Variants in BEND3 observed in about 807,000 individuals in gnomAD.
BEND3 encodes the protein BEN domain containing 3.
In BEND3, 13 loss-of-function variants were observed where a neutral mutation model predicts 60.1. The ratio of observed to expected loss-of-function variants is 0.22; its 90% CI spans 0.14 to 0.34. BEND3 has a LOEUF of 0.34. Ranked by LOEUF, BEND3 falls within the 10% of genes least tolerant of loss-of-function variation. The pLI, the probability that BEND3 is intolerant of heterozygous loss-of-function variation, is 1.00. For synonymous variants in BEND3, 497 were observed against 491.5 expected (o/e 1.01, Z -0.15); for missense variants, 896 against 1,138.1 (o/e 0.79, Z 3.06).
Position 107,069,560 on chromosome 6 carries a change from G to A in BEND3, c.1631C>T (p.Pro544Leu), listed in dbSNP as rs781864764. The A allele has an allele frequency of 2.5e-6, 4 of 1,613,198 alleles. No homozygotes were observed. In the South Asian group the frequency reaches 4.4e-5, roughly 18 times the overall value. Residue 544 changes from proline to leucine, a missense_variant, in exon 4 of 4, where the codon CCT (proline) becomes CTT (leucine). By Grantham distance (98) the Pro-to-Leu change is moderately conservative. Transcript: ENST00000369042. ...IDFDKLEIPQPDFEVPGADCL... is the reference protein window; with the variant it reads ...IDFDKLEIPQLDFEVPGADCL... ...GTCGGCACCGGGCACCTCGAAGTCA[G>A]GCTGGGGGATCTCTAACTTGTCGAA... is the stretch of plus-strand genomic sequence containing the variant.
At chr6:107,112,165 C>T (rs1770118449) in intron 1 of BEND3, among the ~76,000 whole-genome samples, 1 of 152,156 alleles carries the variant, frequency 6.6e-6, no homozygotes, top group South Asian at 2.1e-4. Flanking sequence ...TTCATATAAA[C>T]ATGCTGTTTT....
In BEND3 at chr6:107,067,895, G is replaced by A. The variant is rs570936720; in HGVS notation, c.*809C>T. Reference sequence around the variant, plus strand: ...TGTATGGAGAAGGAATGGGGGCAGCGGAAGGACACGGCTCAGATGGAGACA... The same window carrying A: ...TGTATGGAGAAGGAATGGGGGCAGCAGAAGGACACGGCTCAGATGGAGACA... On this transcript the variant is annotated 3_prime_UTR_variant, in exon 4 of 4. Coordinates refer to ENST00000369042, the MANE Select transcript of BEND3 (RefSeq NM_001367314.1). 2.6e-5 allele frequency: 4 copies of A among 152,346 alleles called. No individual in the cohort carries two copies. The highest frequency in any genetic ancestry group is 3.9e-4 in the East Asian group (2 of 5,176). 9.4% of individuals were successfully genotyped at this position (152,346 alleles called of 1,614,324 possible).
intron 1 of BEND3, among the ~76,000 whole-genome samples, chr6:107,109,037 C>T (rs1406607442): frequency 6.6e-6 from 1 of 152,010 alleles, no homozygotes; most frequent in African/African-American, 2.4e-5. Context: ...AACTCCTGGC[C>T]TCAAGAGATC....
In BEND3 at chr6:107,070,571, G is replaced by A. The variant is rs61735665; in HGVS notation, c.620C>T (p.Thr207Met). Residue 207 changes from threonine (T) to methionine (M), a missense_variant, in exon 4 of 4, where the codon ACG becomes ATG. Physicochemically the swap from Thr to Met is moderately conservative, Grantham distance 81 (BLOSUM62 -1). Coordinates refer to ENST00000369042, the MANE Select transcript of BEND3 (RefSeq NM_001367314.1). The surrounding 1 kb of genome is among the most constrained non-coding windows in gnomAD (Gnocchi z 6.9). ...GCTGTGCAGCTGGGACATGTTGGAC[G>A]TGAGGGTGTTCAGCATGTAGAACAT... ...QKMFYMLNTL[T>M]SNMSQLHSKV... The A allele has an allele frequency of 3.6e-4, 585 of 1,612,928 alleles. 2 individuals are homozygous for A. Among genetic ancestry groups the A allele is most frequent in the Non-Finnish European group, 4.7e-4 (551 of 1,180,020 alleles).
intron 1 of BEND3, among the ~76,000 whole-genome samples, chr6:107,113,722 T>G (rs1245857251): frequency 2.0e-5 from 3 of 152,136 alleles, no homozygotes; most frequent in African/African-American, 7.2e-5. Context: ...GACAGGCTCT[T>G]GTATGGTAGT....
intron 1 of BEND3, chr6:107,114,202 G>A (rs1770200077): frequency 6.6e-6 from 1 of 152,266 alleles, no homozygotes; most frequent in East Asian, 1.9e-4. Flanking sequence ...GATGAGGCAA[G>A]GGCAAAGCAT....
rs1369569875 is a variant in BEND3, at chr6:107,068,870, G to C, written c.2321C>G (p.Pro774Arg). 3 of 1,613,928 alleles carry C rather than the reference G, an allele frequency of 1.9e-6. No homozygotes were observed. The highest frequency in any genetic ancestry group is 1.7e-6 in the Non-Finnish European group (2 of 1,180,040). The change falls in exon 4 of 4, where the codon CCC becomes CGC. Residue 774 changes from proline (P) to arginine (R), a missense_variant. Pro to Arg is a moderately radical substitution (Grantham distance 103, BLOSUM62 -2). Around this residue, in one of 4 missense-constraint regions of BEND3, gnomAD observed 29 missense variants for 51.9 expected, o/e 0.56. Transcript: ENST00000369042. The surrounding 1 kb of genome is among the most constrained non-coding windows in gnomAD (Gnocchi z 5.8). ...GTGGCGGATGAGCCGCAGCCGCGTG[G>C]GGTCCAGTTGCTTCTTGTTGCAAGC... ...SGACNKKQLD[P>R]TRLRLIRHYV...
At chr6:107,090,837 G>A (rs1401237746) in intron 3 of BEND3, among the ~76,000 whole-genome samples, 2 of 152,046 alleles carry the variant, frequency 1.3e-5, no homozygotes, top group East Asian at 1.9e-4. Flanking sequence ...TAGGCCAGGC[G>A]CAGTGGCTCA....
intron 3 of BEND3, among the ~76,000 whole-genome samples, chr6:107,071,181 G>A (rs1554232016): frequency 6.6e-6 from 1 of 152,192 alleles, no homozygotes; most frequent in African/African-American, 2.4e-5. Context: ...GACTCAGGCT[G>A]GGCCCAGGGA....
chr6:107,111,249 G>A (rs912497757), intron 1 of BEND3, among the ~76,000 whole-genome samples: 18 of 151,640 alleles, frequency 1.2e-4, no homozygotes, highest in Admixed American at 8.5e-4. Flanking sequence ...GGTGGCTCAC[G>A]CCTGTAATCT....
intron 3 of BEND3, among the ~76,000 whole-genome samples, chr6:107,090,907 C>T (rs888570054): frequency 3.9e-5 from 6 of 152,034 alleles, no homozygotes; most frequent in Non-Finnish European, 8.8e-5. Flanking sequence ...GTCAGTAGCT[C>T]GAGATCAGCC....
intron 3 of BEND3, among the ~76,000 whole-genome samples, chr6:107,085,721 G>A (rs189965403): frequency 1.9e-4 from 29 of 151,334 alleles, no homozygotes; most frequent in Non-Finnish European, 2.8e-4. Context: ...TCGATTTCCC[G>A]ACCTCATGAT....
chr6:107,077,597 C>T (rs1242995954), intron 3 of BEND3, among the ~76,000 whole-genome samples: 1 of 152,092 alleles, frequency 6.6e-6, no homozygotes, highest in Non-Finnish European at 1.5e-5. Context: ...GATAAAGCAA[C>T]TATAATGAAG....
In BEND3 at chr6:107,070,127, G is replaced by A; in HGVS notation, c.1064C>T (p.Ala355Val). The A allele has an allele frequency of 6.2e-7, 1 of 1,613,192 alleles. No individual in the cohort carries two copies. The highest frequency in any genetic ancestry group is 8.5e-7 in the Non-Finnish European group (1 of 1,180,010). The change falls in exon 4 of 4, where the codon GCC becomes GTC. Residue 355 changes from alanine (A) to valine (V), a missense_variant. By Grantham distance (64) the Ala-to-Val change is moderately conservative (BLOSUM62 0). This residue lies in a region of BEND3 where 846 missense variants were observed against 1,036.7 expected (regional missense o/e 0.82). Coordinates refer to ENST00000369042, the MANE Select transcript of BEND3 (RefSeq NM_001367314.1). The surrounding 1 kb of genome is among the most constrained non-coding windows in gnomAD (Gnocchi z 6.9). ...MEDSQPSGQV[A>V]SFFEAEQVDP... Reference sequence around the variant, plus strand: ...CACCTGCTCTGCCTCAAAGAAGCTGGCGACCTGGCCGCTGGGCTGGCTGTC... The same window carrying A: ...CACCTGCTCTGCCTCAAAGAAGCTGACGACCTGGCCGCTGGGCTGGCTGTC...
chr6:107,111,981 CAAAAAAAAA>C (rs57840795), intron 1 of BEND3, among the ~76,000 whole-genome samples: 2 of 145,380 alleles, frequency 1.4e-5, no homozygotes, highest in African/African-American at 5.2e-5. Flanking sequence ...GACTCCGTTT[CAAAAAAAAA>C]AAAAAAAAAA....
At chr6:107,105,922 G>A (rs1429923148) in intron 1 of BEND3, among the ~76,000 whole-genome samples, 7 of 152,158 alleles carry the variant, frequency 4.6e-5, no homozygotes, top group African/African-American at 1.4e-4. Context: ...GAGAATGTGG[G>A]CCCCAGAACA....
chr6:107,072,516 T>C (rs1203391508), intron 3 of BEND3, among the ~76,000 whole-genome samples: 4 of 152,204 alleles, frequency 2.6e-5, no homozygotes, highest in Non-Finnish European at 5.9e-5. Context: ...GAGGTGTTTT[T>C]CTCTGCAGCC....
chr6:107,102,130 G>A (rs1202712390), intron 1 of BEND3, among the ~76,000 whole-genome samples: 13 of 152,070 alleles, frequency 8.5e-5, no homozygotes, highest in South Asian at 2.1e-4. Flanking sequence ...CAAAACAGGC[G>A]TCGATGAGAG....
At chr6:107,082,649 G>C (rs1775257809) in intron 3 of BEND3, among the ~76,000 whole-genome samples, 1 of 152,076 alleles carries the variant, frequency 6.6e-6, no homozygotes, top group Non-Finnish European at 1.5e-5. Flanking sequence ...GGCTGGTCTG[G>C]AACTCCTGAC....
Sources: gnomAD v4.1 joint callset for allele counts (sites outside exome capture counted in the v4.1 genomes callset) on GRCh38, gnomAD v4.1.1 for gene constraint, gnomAD v4.1.1 regional missense constraint, Gnocchi (gnomAD v3.1) non-coding constraint, MANE v1.5 for transcripts, NCBI Gene and HGNC (gene_info 2026-07-23, HGNC 2026-07-21) for gene names.